SYN3: variants seen among roughly 807,000 people sequenced by gnomAD.
The protein encoded by SYN3 is synapsin III.
Under a neutral mutation model 65.8 loss-of-function variants are expected in SYN3, and 35 were observed. The ratio of observed to expected loss-of-function variants is 0.53; its 90% CI spans 0.41 to 0.70. The LOEUF (loss-of-function observed/expected upper bound fraction) is 0.70, where lower values mean the gene tolerates loss of function less well. Ranked by LOEUF, SYN3 falls within the 30% of genes least tolerant of loss-of-function variation. SYN3 has a pLI of 0.00. For synonymous variants in SYN3, 270 were observed against 292.9 expected, an observed-to-expected ratio of 0.92 and a Z score of 0.80; for missense variants, 680 against 749.0, an observed-to-expected ratio of 0.91 and a Z score of 1.08.
chr22:33,017,821 CAG>C (rs779399205), intron 1 of SYN3, among the ~76,000 whole-genome samples: 5 of 148,674 alleles, frequency 3.4e-5, no homozygotes, highest in African/African-American at 1.0e-4. Context: ...CATCAGCAAA[CAG>C]AGACAATTTC....
intron 6 of SYN3, chr22:32,859,649 CTCT>C: frequency 2.0e-6 from 1 of 492,670 alleles, no homozygotes; most frequent in East Asian, 3.5e-5. Flanking sequence ...ACCTGTATTC[CTCT>C]TCTTCGTGAT....
intron 6 of SYN3, among the ~76,000 whole-genome samples, chr22:32,657,952 C>T (rs1200685922): frequency 1.3e-5 from 2 of 152,214 alleles, no homozygotes; most frequent in Non-Finnish European, 2.9e-5. Flanking sequence ...ACAGTGTTTG[C>T]ATCTTACTCA....
intron 2 of SYN3, among the ~76,000 whole-genome samples, chr22:32,994,103 G>A (rs1331574687): frequency 5.9e-5 from 9 of 152,140 alleles, no homozygotes; most frequent in South Asian, 2.1e-4. Context: ...TAGACCTCAC[G>A]GAGAGGGGTC....
intron 6 of SYN3, among the ~76,000 whole-genome samples, chr22:32,662,742 C>T (rs2060233178): frequency 6.6e-6 from 1 of 152,144 alleles, no homozygotes; most frequent in African/African-American, 2.4e-5. Context: ...TATTATGTAC[C>T]TCAGCATCCT....
At position 32,556,803 on chromosome 22, in the gene SYN3, G is replaced by GTTTTTTTTTTTTTTTTTTTTTTTT. The variant is rs1491135400; in HGVS notation, c.775-15091_775-15090insAAAAAAAAAAAAAAAAAAAAAAAA. Among the ~76,000 whole-genome samples the GTTTTTTTTTTTTTTTTTTTTTTTT allele has an allele frequency of 1.7e-4, 6 of 35,262 alleles. 1 individual carries two copies. Among genetic ancestry groups the GTTTTTTTTTTTTTTTTTTTTTTTT allele is most frequent in the Non-Finnish European group, 1.7e-4 (3 of 17,888 alleles). The allele number at this position is 35,262 out of a possible 152,430, so 23.1% of individuals were successfully genotyped here. ...CAATGACCCAATCTATAGGTTTCCT[G>GTTTTTTTTTTTTTTTTTTTTTTTT]GTTTTTTTTTTTTTTTTTTTTTTTT... On this transcript the variant is annotated intron_variant, in intron 7 of 13. Coordinates refer to ENST00000358763, the MANE Select transcript of SYN3 (RefSeq NM_003490.4).
At chr22:32,701,983 A>T (rs1350887000) in intron 6 of SYN3, among the ~76,000 whole-genome samples, 5 of 152,246 alleles carry the variant, frequency 3.3e-5, no homozygotes, top group African/African-American at 1.2e-4. Context: ...TGTGTGATTT[A>T]AGTATTTTCT....
intron 1 of SYN3, among the ~76,000 whole-genome samples, chr22:33,041,022 C>A (rs1313037959): frequency 2.0e-5 from 3 of 151,480 alleles, no homozygotes; most frequent in Admixed American, 2.0e-4. Context: ...TCAAGCGATT[C>A]TCCTGCCTCA....
chr22:32,537,528 G>C (rs2058185787), intron 9 of SYN3, among the ~76,000 whole-genome samples: 1 of 152,174 alleles, frequency 6.6e-6, no homozygotes, highest in Admixed American at 6.5e-5. Context: ...TTCAGCCAGA[G>C]AGCATCCCTA....
chr22:32,805,086 G>T (rs1012149747), intron 6 of SYN3, among the ~76,000 whole-genome samples: 4 of 152,120 alleles, frequency 2.6e-5, no homozygotes, highest in Non-Finnish European at 4.4e-5. Context: ...GCTGAGGGGG[G>T]TTGCAGCAGA....
At chr22:32,970,459 T>G (rs1304234052) in intron 3 of SYN3, among the ~76,000 whole-genome samples, 1 of 132,530 alleles carries the variant, frequency 7.5e-6, no homozygotes, top group Non-Finnish European at 1.5e-5. Flanking sequence ...CTGGGCAACA[T>G]AGCAAGACCC....
intron 6 of SYN3, among the ~76,000 whole-genome samples, chr22:32,689,031 T>C (rs1693037073): frequency 6.6e-6 from 1 of 152,220 alleles, no homozygotes; most frequent in African/African-American, 2.4e-5. Context: ...TTGGGATTTG[T>C]GGTGGAAACA....
chr22:33,048,994 T>C (rs895302819), intron 1 of SYN3, among the ~76,000 whole-genome samples: 3 of 152,174 alleles, frequency 2.0e-5, no homozygotes, highest in African/African-American at 7.2e-5. Flanking sequence ...TCTTTTGCTG[T>C]AGGCCAGAGT....
In SYN3 at chr22:32,654,101, C is replaced by A. The variant is rs1166625772; in HGVS notation, c.712-57365G>T. Among the ~76,000 whole-genome samples the A allele has an allele frequency of 2.6e-5, 4 of 152,350 alleles. 1 individual carries two copies. Among genetic ancestry groups the A allele is most frequent in the Middle Eastern group, 6.8e-3 (2 of 294 alleles). ...CCTGTGGTGCCCAAGGTGTCTCCAGCCAGGCCTATGCCTGAGAGTTAAGAG... is the reference window on the plus strand; with the variant it reads ...CCTGTGGTGCCCAAGGTGTCTCCAGACAGGCCTATGCCTGAGAGTTAAGAG... On this transcript the variant is annotated intron_variant, in intron 6 of 13. Coordinates refer to ENST00000358763, the MANE Select transcript of SYN3 (RefSeq NM_003490.4).
intron 7 of SYN3, among the ~76,000 whole-genome samples, chr22:32,549,875 C>T (rs1010023050): frequency 3.0e-5 from 4 of 132,398 alleles, no homozygotes; most frequent in African/African-American, 9.1e-5. Context: ...GGCAGCACAG[C>T]GAGACTCTGT....
chr22:32,515,509 GTC>G (rs1280297767), intron 13 of SYN3, among the ~76,000 whole-genome samples: 1 of 152,226 alleles, frequency 6.6e-6, no homozygotes, highest in Non-Finnish European at 1.5e-5. Flanking sequence ...TGACTCTAGA[GTC>G]TGTGCTGTCA....
chr22:32,757,345 T>C (rs1237032241), intron 6 of SYN3, among the ~76,000 whole-genome samples: 1 of 141,542 alleles, frequency 7.1e-6, no homozygotes, highest in Non-Finnish European at 1.5e-5. Context: ...TTGCCCAGGC[T>C]GGAGTGCAAT....
chr22:32,566,704 A>G (rs1033827801), intron 7 of SYN3, among the ~76,000 whole-genome samples: 2 of 152,130 alleles, frequency 1.3e-5, no homozygotes, highest in African/African-American at 4.8e-5. Context: ...GGAGACAACT[A>G]CAGGCTCCTT....
intron 4 of SYN3, among the ~76,000 whole-genome samples, chr22:32,875,116 C>T (rs777340222): frequency 1.3e-5 from 2 of 152,146 alleles, no homozygotes; most frequent in African/African-American, 2.4e-5. Context: ...GAAATTAGCC[C>T]AGGCCAAAAA....
At chr22:32,869,730 A>C (rs2048799813) in intron 4 of SYN3, among the ~76,000 whole-genome samples, 1 of 143,172 alleles carries the variant, frequency 7.0e-6, no homozygotes, top group Non-Finnish European at 1.5e-5. Flanking sequence ...CAACCTCTGG[A>C]AAGCAGCAAG....
Sources: gnomAD v4.1 joint callset for allele counts (sites outside exome capture counted in the v4.1 genomes callset) on GRCh38, gnomAD v4.1.1 for gene constraint, MANE v1.5 for transcripts, NCBI Gene and HGNC (gene_info 2026-07-23, HGNC 2026-07-21) for gene names.